Variants in ZDHHC14 observed in about 807,000 individuals in gnomAD.
ZDHHC14 encodes zDHHC palmitoyltransferase 14.
ZDHHC14 carries 16 observed loss-of-function variants against 47.7 expected under a neutral mutation model. The observed-to-expected ratio is 0.34, with a 90% CI of 0.23 to 0.51. The LOEUF (loss-of-function observed/expected upper bound fraction) is 0.51, where lower values mean the gene tolerates loss of function less well. ZDHHC14 is among the 20% of genes least tolerant of loss of function. ZDHHC14 has a pLI of 0.97. For synonymous variants in ZDHHC14, 293 were observed against 278.9 expected, an observed-to-expected ratio of 1.05 and a Z score of -0.50; for missense variants, 515 against 662.5, an observed-to-expected ratio of 0.78 and a Z score of 2.44.
At chr6:157,419,362 G>A (rs4709216) in intron 1 of ZDHHC14, among the ~76,000 whole-genome samples, 127,837 of 152,200 alleles carry the variant, frequency 0.84, 53,883 homozygotes, top group Middle Eastern at 0.94. Flanking sequence ...TTTCATATCA[G>A]AAAGGCTATT....
At chr6:157,659,491 A>G (rs1778250531) in intron 8 of ZDHHC14, among the ~76,000 whole-genome samples, 1 of 152,220 alleles carries the variant, frequency 6.6e-6, no homozygotes, top group South Asian at 2.1e-4. Flanking sequence ...AAGACTGACA[A>G]CAGTACAAAT....
chr6:157,430,958 C>G (rs1778327439), intron 1 of ZDHHC14, among the ~76,000 whole-genome samples: 1 of 152,210 alleles, frequency 6.6e-6, no homozygotes, highest in South Asian at 2.1e-4. Flanking sequence ...CTTGTAAAGC[C>G]AGGTTATGAT....
In ZDHHC14 at chr6:157,518,271, C is replaced by T. The variant is rs1351781756; in HGVS notation, c.246-24314C>T. On this transcript the variant is annotated intron_variant, in intron 1 of 8. Transcript: ENST00000359775. ...CCTCAAGCCACACTGATGGACCTGC[C>T]ATTAGGTACACTGAGGATGCCAGCA... 5.9e-5 allele frequency among the ~76,000 whole-genome samples: 9 copies of T among 151,770 alleles called. 1 individual carries two copies. Among genetic ancestry groups the T allele is most frequent in the Admixed American group, 4.6e-4 (7 of 15,248 alleles).
chr6:157,426,995 A>G (rs1217538064), intron 1 of ZDHHC14, among the ~76,000 whole-genome samples: 1 of 152,170 alleles, frequency 6.6e-6, no homozygotes, highest in Non-Finnish European at 1.5e-5. Flanking sequence ...AGAACTTAAG[A>G]TAGTGTCTGG....
intron 7 of ZDHHC14, among the ~76,000 whole-genome samples, chr6:157,653,065 T>C (rs1777913114): frequency 6.6e-6 from 1 of 152,190 alleles, no homozygotes; most frequent in Non-Finnish European, 1.5e-5. Context: ...GAGTGCATGC[T>C]GGCGGGGCTG....
Position 157,535,650 on chromosome 6 carries a change from C to T in ZDHHC14, c.246-6935C>T, listed in dbSNP as rs918279546. On this transcript the variant is annotated intron_variant, in intron 1 of 8. Coordinates refer to ENST00000359775, the MANE Select transcript of ZDHHC14 (RefSeq NM_024630.3). The stretch of plus-strand genomic sequence containing the variant: ...GCATGCATAGACTCCTGGCTCTGTG[C>T]GTCTGGGGTAATTAACACGATTAGT... 4.6e-5 allele frequency among the ~76,000 whole-genome samples: 7 copies of T among 152,258 alleles called. No homozygotes were observed. The East Asian group carries it at 1.4e-3, about 29-fold the overall frequency.
At chr6:157,485,051 C>T (rs886297906) in intron 1 of ZDHHC14, among the ~76,000 whole-genome samples, 55 of 152,104 alleles carry the variant, frequency 3.6e-4, no homozygotes, top group African/African-American at 1.3e-3. Flanking sequence ...GAGACGAGAT[C>T]GCGCCACCGC....
chr6:157,649,540 C>T (rs970719355), intron 7 of ZDHHC14, among the ~76,000 whole-genome samples: 11 of 152,200 alleles, frequency 7.2e-5, no homozygotes, highest in Admixed American at 5.9e-4. Context: ...AGGGCCTTCC[C>T]GGGCATCCCG....
At chr6:157,483,222 A>G (rs1260194689) in intron 1 of ZDHHC14, among the ~76,000 whole-genome samples, 1 of 152,232 alleles carries the variant, frequency 6.6e-6, no homozygotes, top group Non-Finnish European at 1.5e-5. Flanking sequence ...ACAGAAGCAA[A>G]GTAAACCCTG....
intron 3 of ZDHHC14, among the ~76,000 whole-genome samples, chr6:157,626,418 C>T (rs1298997114): frequency 1.3e-5 from 2 of 152,130 alleles, no homozygotes; most frequent in Admixed American, 6.5e-5. Context: ...TCTCTGTGCA[C>T]GTTGACACAT....
intron 2 of ZDHHC14, among the ~76,000 whole-genome samples, chr6:157,583,088 A>G (rs181672054): frequency 6.0e-4 from 91 of 152,082 alleles, no homozygotes; most frequent in Non-Finnish European, 9.6e-4. Context: ...GTCCTTTTTT[A>G]TAATGACTGT....
intron 3 of ZDHHC14, among the ~76,000 whole-genome samples, chr6:157,616,840 G>A (rs1326669901): frequency 6.6e-6 from 1 of 152,194 alleles, no homozygotes; most frequent in African/African-American, 2.4e-5. Context: ...TCTGTTCCAT[G>A]TTAGGCAAAT....
chr6:157,595,293 A>G (rs1312004186), intron 3 of ZDHHC14, among the ~76,000 whole-genome samples: 1 of 146,058 alleles, frequency 6.8e-6, no homozygotes, highest in African/African-American at 2.6e-5. Context: ...CCCGGATTCA[A>G]ACAATTCTCC....
intron 3 of ZDHHC14, among the ~76,000 whole-genome samples, chr6:157,607,850 C>T (rs1784600029): frequency 6.6e-6 from 1 of 152,200 alleles, no homozygotes; most frequent in African/African-American, 2.4e-5. Context: ...TTTGAAGCAG[C>T]GATTCTTTCC....
intron 5 of ZDHHC14, among the ~76,000 whole-genome samples, chr6:157,633,381 A>T (rs923635239): frequency 6.6e-6 from 1 of 151,812 alleles, no homozygotes; most frequent in Non-Finnish European, 1.5e-5. Context: ...TGAATAGATT[A>T]AAAATGGTCA....
At chr6:157,504,309 G>A (rs915829580) in intron 1 of ZDHHC14, among the ~76,000 whole-genome samples, 5 of 147,688 alleles carry the variant, frequency 3.4e-5, no homozygotes, top group African/African-American at 1.3e-4. Flanking sequence ...CCGGGTTCAC[G>A]CCCGGCTAAT....
intron 8 of ZDHHC14, among the ~76,000 whole-genome samples, chr6:157,659,779 A>C (rs909618437): frequency 1.3e-5 from 2 of 152,198 alleles, no homozygotes; most frequent in African/African-American, 4.8e-5. Flanking sequence ...CTTTCTACTT[A>C]TTTCCTGTTT....
chr6:157,553,744 A>T (rs113116005), intron 2 of ZDHHC14, among the ~76,000 whole-genome samples: 2 of 152,074 alleles, frequency 1.3e-5, no homozygotes, highest in Non-Finnish European at 2.9e-5. Context: ...TTAACTGTTT[A>T]TTTTGTGTTT....
At chr6:157,522,890 A>C (rs868862283) in intron 1 of ZDHHC14, among the ~76,000 whole-genome samples, 1 of 25,700 alleles carries the variant, frequency 3.9e-5, no homozygotes, top group Admixed American at 4.6e-4. Context: ...TCTTCCTACC[A>C]TCCTTCCTTC....
Sources: allele counts gnomAD v4.1 joint callset (sites outside exome capture counted in the v4.1 genomes callset), GRCh38; gene constraint gnomAD v4.1.1; transcripts MANE v1.5; gene names NCBI Gene and HGNC (gene_info 2026-07-23, HGNC 2026-07-21).